The following CACNG4 variants were observed in gnomAD, a reference collection of about 807,000 sequenced individuals.
CACNG4 encodes the protein voltage-dependent calcium channel gamma-4 subunit.
CACNG4 carries 8 observed loss-of-function variants against 22.9 expected under a neutral mutation model. The ratio of observed to expected loss-of-function variants is 0.35; its 90% CI spans 0.21 to 0.63. The LOEUF (loss-of-function observed/expected upper bound fraction) is 0.63. CACNG4 is among the 30% of genes least tolerant of loss of function. The pLI is 0.72. For synonymous variants in CACNG4, 188 were observed against 191.9 expected, an observed-to-expected ratio of 0.98 and a Z score of 0.17; for missense variants, 357 against 455.4, an observed-to-expected ratio of 0.78 and a Z score of 1.97.
chr17:66,975,484 T>C (rs1414897860), intron 1 of CACNG4, among the ~76,000 whole-genome samples: 1 of 152,208 alleles, frequency 6.6e-6, no homozygotes, highest in African/African-American at 2.4e-5. Context: ...CATTGTTAAG[T>C]TAGGAGCATC....
At chr17:66,997,345 G>C (rs900459253) in intron 1 of CACNG4, among the ~76,000 whole-genome samples, 1 of 152,184 alleles carries the variant, frequency 6.6e-6, no homozygotes, top group African/African-American at 2.4e-5. Context: ...ACGCCCTCCA[G>C]TGAGGACCCC....
Position 66,984,324 on chromosome 17 carries a change from T to A in CACNG4, c.220+19193T>A, listed in dbSNP as rs1168340681. Among the ~76,000 whole-genome samples, 1 of 152,148 alleles carries A rather than the reference T, an allele frequency of 6.6e-6. No homozygotes were observed. Among genetic ancestry groups the A allele is most frequent in the Non-Finnish European group, 1.5e-5 (1 of 68,036 alleles). ...TGAGCCCTGGAGTTTGAGGCTGCAGTGAGCCACCACTGCACTCCAGCTCTG... is the reference window on the plus strand; with the variant it reads ...TGAGCCCTGGAGTTTGAGGCTGCAGAGAGCCACCACTGCACTCCAGCTCTG... On this transcript the variant is annotated intron_variant, in intron 1 of 3. Transcript: ENST00000262138. The surrounding 1 kb of genome is among the most constrained non-coding windows in gnomAD (Gnocchi z 4.0).
intron 1 of CACNG4, among the ~76,000 whole-genome samples, chr17:66,967,104 C>T (rs940359907): frequency 2.0e-5 from 3 of 152,208 alleles, no homozygotes; most frequent in African/African-American, 7.2e-5. Context: ...TAACTCCTCC[C>T]CGCCAGCAAA....
chr17:66,968,914 A>G (rs938122374), intron 1 of CACNG4, among the ~76,000 whole-genome samples: 1 of 147,678 alleles, frequency 6.8e-6, no homozygotes, highest in Non-Finnish European at 1.5e-5. Context: ...CTCTCCTTCC[A>G]CTGTGTGCTA....
chr17:66,975,829 C>A (rs1324366483), intron 1 of CACNG4, among the ~76,000 whole-genome samples: 1 of 152,218 alleles, frequency 6.6e-6, no homozygotes, highest in Non-Finnish European at 1.5e-5. Flanking sequence ...CAGCTGGGAG[C>A]TGAAAGAGGG....
At chr17:67,028,044 G>A (rs548568985) in intron 3 of CACNG4, among the ~76,000 whole-genome samples, 10 of 151,558 alleles carry the variant, frequency 6.6e-5, no homozygotes, top group Non-Finnish European at 1.0e-4. Context: ...AATAAAAAGC[G>A]AACTAGTAGG....
At chr17:66,994,940 A>G (rs890052836) in intron 1 of CACNG4, among the ~76,000 whole-genome samples, 8 of 152,138 alleles carry the variant, frequency 5.3e-5, no homozygotes, top group Admixed American at 1.3e-4. Flanking sequence ...CCGGAAATCT[A>G]TGGCTGTGGG....
chr17:67,002,824 T>C (rs2035416357), intron 1 of CACNG4, among the ~76,000 whole-genome samples: 1 of 152,202 alleles, frequency 6.6e-6, no homozygotes, highest in Non-Finnish European at 1.5e-5. Flanking sequence ...CCTTCATAAG[T>C]TGTTTTTGAA....
chr17:66,987,294 A>G (rs111302781), intron 1 of CACNG4, among the ~76,000 whole-genome samples: 4,101 of 151,652 alleles, frequency 0.027, 81 homozygotes, highest in Non-Finnish European at 0.04. Flanking sequence ...CAAATTATTT[A>G]GATTCCCAGA....
At chr17:66,976,272 G>A (rs1346489062) in intron 1 of CACNG4, among the ~76,000 whole-genome samples, 1 of 152,154 alleles carries the variant, frequency 6.6e-6, no homozygotes, top group African/African-American at 2.4e-5. Flanking sequence ...CTAGAGCCTC[G>A]GTTTGCTCGG....
At chr17:67,021,501 C>G (rs1295285557) in intron 2 of CACNG4, 1 of 152,312 alleles carries the variant, frequency 6.6e-6, no homozygotes, top group Non-Finnish European at 1.5e-5. Context: ...TCCACAGAAG[C>G]TGGGCTTGTG....
intron 1 of CACNG4, among the ~76,000 whole-genome samples, chr17:66,995,469 G>A (rs938622104): frequency 1.3e-5 from 2 of 152,164 alleles, no homozygotes; most frequent in African/African-American, 2.4e-5. Context: ...CATGAGTCCA[G>A]GCCTGGTTTG....
intron 1 of CACNG4, among the ~76,000 whole-genome samples, chr17:66,983,417 C>G (rs755583191): frequency 7.2e-5 from 11 of 152,178 alleles, no homozygotes; most frequent in Non-Finnish European, 1.2e-4. Flanking sequence ...TCTGGGGCCA[C>G]AGTGAAGGCT....
In CACNG4 at chr17:67,032,677, C is replaced by A. The variant is rs1197500005; in HGVS notation, c.*1673C>A. ...TGCTGGGGATCTGAAATGAGGCCTG[C>A]CAGGGCCCCTGTGTGCTGTGCTCCA... On this transcript the variant is annotated 3_prime_UTR_variant, in exon 4 of 4. Transcript: ENST00000262138. 6.5e-6 allele frequency: 1 copy of A among 154,322 alleles called. No homozygotes were observed. The highest frequency in any genetic ancestry group is 2.4e-5 in the African/African-American group (1 of 41,472). The allele number at this position is 154,322 out of a possible 1,614,324, so 9.6% of individuals were successfully genotyped here.
At chr17:66,983,671 AAAG>A (rs1326175305) in intron 1 of CACNG4, among the ~76,000 whole-genome samples, 1 of 152,204 alleles carries the variant, frequency 6.6e-6, no homozygotes, top group Non-Finnish European at 1.5e-5. Flanking sequence ...CACTCTCCGC[AAAG>A]AAGGTGAAAA....
rs566722959 is a variant in CACNG4 at position 66,977,317 on chromosome 17, G to A, written c.220+12186G>A. 5.3e-5 allele frequency among the ~76,000 whole-genome samples: 8 copies of A among 151,832 alleles called. No homozygotes were observed. In the South Asian group the frequency reaches 6.3e-4, roughly 12 times the overall value. Reference sequence around the variant, plus strand: ...ACCTGAAGCCCCATGGATCCAGCCCGCCCCACGGATCCAGCCCGCCCCACT... The same window carrying A: ...ACCTGAAGCCCCATGGATCCAGCCCACCCCACGGATCCAGCCCGCCCCACT... On this transcript the variant is annotated intron_variant, in intron 1 of 3. Coordinates refer to ENST00000262138, the MANE Select transcript of CACNG4 (RefSeq NM_014405.4).
intron 1 of CACNG4, among the ~76,000 whole-genome samples, chr17:66,997,769 A>C (rs1396831326): frequency 6.6e-6 from 1 of 152,192 alleles, no homozygotes; most frequent in Non-Finnish European, 1.5e-5. Flanking sequence ...GTGAGCCAAG[A>C]GTACGCCACT....
rs191093723 is a variant in CACNG4 at position 67,000,598 on chromosome 17, C to T, written c.221-17591C>T. ...TGTGGGCATGGTCTCTGGGACTGAC[C>T]GGAGGAGGGAGAGACACAGGAGGAC... On this transcript the variant is annotated intron_variant, in intron 1 of 3. Coordinates refer to ENST00000262138, the MANE Select transcript of CACNG4 (RefSeq NM_014405.4). 1.8e-4 allele frequency among the ~76,000 whole-genome samples: 28 copies of T among 152,170 alleles called. No homozygotes were observed. The East Asian group carries it at 4.5e-3, about 24-fold the overall frequency.
At chr17:66,996,240 G>A (rs1026984560) in intron 1 of CACNG4, among the ~76,000 whole-genome samples, 12 of 143,754 alleles carry the variant, frequency 8.3e-5, no homozygotes, top group African/African-American at 3.5e-4. Flanking sequence ...AAAGAGGGCA[G>A]AAGGCAGAGT....
Sources: allele counts gnomAD v4.1 joint callset (sites outside exome capture counted in the v4.1 genomes callset), GRCh38; gene constraint gnomAD v4.1.1; non-coding constraint Gnocchi (gnomAD v3.1); transcripts MANE v1.5; gene names NCBI Gene and HGNC (gene_info 2026-07-23, HGNC 2026-07-21).